CADPS2: variants seen among roughly 807,000 people sequenced by gnomAD.
CADPS2 encodes the protein calcium-dependent secretion activator 2.
In CADPS2, 93 loss-of-function variants were observed where a neutral mutation model predicts 172.5. That is an observed-to-expected ratio of 0.54 (90% confidence interval 0.46 to 0.64). The LOEUF is 0.64. Among genes scored for constraint, CADPS2 ranks in the 30% least tolerant of loss-of-function variants. The pLI is 0.00. For synonymous variants in CADPS2, 546 were observed against 555.2 expected (o/e 0.98, Z 0.23); for missense variants, 1,420 against 1,565.9 (o/e 0.91, Z 1.57).
At chr7:122,667,551 G>A (rs1046924099) in intron 2 of CADPS2, among the ~76,000 whole-genome samples, 2 of 152,206 alleles carry the variant, frequency 1.3e-5, no homozygotes, top group Non-Finnish European at 2.9e-5. Flanking sequence ...GGGGCACAAT[G>A]AGAAATGAAC....
intron 2 of CADPS2, chr7:122,702,540 C>T (rs765749720): frequency 3.1e-6 from 5 of 1,613,470 alleles, no homozygotes; most frequent in Admixed American, 1.7e-5. Context: ...ACACCAGACA[C>T]CCTTTCCAGA....
intron 1 of CADPS2, among the ~76,000 whole-genome samples, chr7:122,766,665 T>C (rs1262362421): frequency 6.6e-6 from 1 of 152,146 alleles, no homozygotes; most frequent in East Asian, 1.9e-4. Flanking sequence ...GGTGTAAGTG[T>C]GTATACCAGT....
At chr7:122,473,039 G>GCT (rs2056181200) in intron 13 of CADPS2, among the ~76,000 whole-genome samples, 1 of 152,130 alleles carries the variant, frequency 6.6e-6, no homozygotes, top group Admixed American at 6.6e-5. Flanking sequence ...TTGAGCATCT[G>GCT]CATGATGCTT....
At chr7:122,842,803 G>C (rs1430978590) in intron 1 of CADPS2, among the ~76,000 whole-genome samples, 2 of 152,192 alleles carry the variant, frequency 1.3e-5, no homozygotes, top group Admixed American at 6.5e-5. Context: ...GAGGGAGGAA[G>C]AAGACAAGAA....
chr7:122,834,803 G>A (rs2501453), intron 1 of CADPS2, among the ~76,000 whole-genome samples: 30,659 of 152,112 alleles, frequency 0.2, 3,893 homozygotes, highest in African/African-American at 0.36. Context: ...CGAACTGGGT[G>A]GAGCCCACCG....
chr7:122,482,647 G>C (rs2057424716), intron 11 of CADPS2, among the ~76,000 whole-genome samples: 1 of 152,136 alleles, frequency 6.6e-6, no homozygotes, highest in South Asian at 2.1e-4. Flanking sequence ...GGGAAACAAG[G>C]TGAGCCTTAC....
At chr7:122,641,572 T>A (rs2077648523) in intron 3 of CADPS2, among the ~76,000 whole-genome samples, 2 of 152,220 alleles carry the variant, frequency 1.3e-5, no homozygotes, top group African/African-American at 4.8e-5. Context: ...ATCTTCTGTA[T>A]GAAAGCCTCT....
intron 4 of CADPS2, among the ~76,000 whole-genome samples, chr7:122,624,042 G>A (rs2075849293): frequency 6.6e-6 from 1 of 152,018 alleles, no homozygotes; most frequent in African/African-American, 2.4e-5. Context: ...AACATTTCAG[G>A]GACTAGACTA....
chr7:122,708,461 G>GATATATATATATATATATATATATATAT (rs3034549), intron 2 of CADPS2, among the ~76,000 whole-genome samples: 1 of 128,236 alleles, frequency 7.8e-6, no homozygotes, highest in African/African-American at 3.0e-5. Flanking sequence ...TATGTGTGTG[G>GATATATATATATATATATATATATATAT]ATATATATAT....
chr7:122,575,465 C>CT (rs966367511), intron 7 of CADPS2, among the ~76,000 whole-genome samples: 3 of 147,796 alleles, frequency 2.0e-5, no homozygotes, highest in African/African-American at 7.5e-5. Flanking sequence ...GAAATGGAGT[C>CT]TAATTCTGTC....
At chr7:122,808,380 A>T (rs1315607074) in intron 1 of CADPS2, among the ~76,000 whole-genome samples, 2 of 152,220 alleles carry the variant, frequency 1.3e-5, no homozygotes, top group Non-Finnish European at 2.9e-5. Flanking sequence ...GCCCAGTTAC[A>T]TTCTCTGCCA....
At chr7:122,821,790 T>A (rs1803384103) in intron 1 of CADPS2, among the ~76,000 whole-genome samples, 1 of 152,094 alleles carries the variant, frequency 6.6e-6, no homozygotes, top group Non-Finnish European at 1.5e-5. Flanking sequence ...AAAATACACC[T>A]CACCAAGCTC....
chr7:122,556,199 C>A (rs1179390694), intron 7 of CADPS2, among the ~76,000 whole-genome samples: 1 of 151,982 alleles, frequency 6.6e-6, no homozygotes, highest in Non-Finnish European at 1.5e-5. Context: ...TTTACAGATT[C>A]TTTCTTAAGT....
chr7:122,683,167 T>G (rs1368478633), intron 2 of CADPS2, among the ~76,000 whole-genome samples: 1 of 152,184 alleles, frequency 6.6e-6, no homozygotes, highest in Non-Finnish European at 1.5e-5. Flanking sequence ...AAGGGGATGG[T>G]GCAGGAAGAA....
At chr7:122,499,567 ATCTT>A in intron 9 of CADPS2, among the ~76,000 whole-genome samples, 1 of 152,304 alleles carries the variant, frequency 6.6e-6, no homozygotes, top group East Asian at 1.9e-4. Flanking sequence ...ACCAATTTAA[ATCTT>A]TTGATCAATC....
chr7:122,444,979 C>T (rs1346952541), intron 15 of CADPS2, among the ~76,000 whole-genome samples: 2 of 152,082 alleles, frequency 1.3e-5, no homozygotes, highest in African/African-American at 4.8e-5. Context: ...ATTTGAATAT[C>T]CAATAGTTCC....
Position 122,363,206 on chromosome 7 carries a change from A to T in CADPS2, c.3388-2193T>A, listed in dbSNP as rs539397033. 7.9e-5 allele frequency among the ~76,000 whole-genome samples: 12 copies of T among 152,328 alleles called. No individual in the cohort carries two copies. The East Asian group carries it at 2.3e-3, about 29-fold the overall frequency. On this transcript the variant is annotated intron_variant, in intron 25 of 29. Coordinates refer to ENST00000449022, the MANE Select transcript of CADPS2 (RefSeq NM_017954.11). ...TGTCAGACCAGGGAAAGGGAATTCC[A>T]AACTTAATGGCCCTCTGTGGAAAAT...
intron 7 of CADPS2, among the ~76,000 whole-genome samples, chr7:122,573,565 G>A (rs1451451081): frequency 6.6e-6 from 1 of 151,962 alleles, no homozygotes; most frequent in African/African-American, 2.4e-5. Flanking sequence ...ACCCTCTTCA[G>A]GCAGCTCTTT....
At chr7:122,454,926 C>G (rs1378380446) in intron 14 of CADPS2, among the ~76,000 whole-genome samples, 3 of 152,172 alleles carry the variant, frequency 2.0e-5, no homozygotes, top group Non-Finnish European at 4.4e-5. Context: ...GCCTCTTGGT[C>G]TTTCTCCTCC....
Sources: gnomAD v4.1 joint callset for allele counts (sites outside exome capture counted in the v4.1 genomes callset) on GRCh38, gnomAD v4.1.1 for gene constraint, MANE v1.5 for transcripts, NCBI Gene and HGNC (gene_info 2026-07-23, HGNC 2026-07-21) for gene names.